PEPD: variants seen among roughly 807,000 people sequenced by gnomAD.
PEPD encodes the protein peptidase D, also known as xaa-Pro dipeptidase.
PEPD carries 53 observed loss-of-function variants against 60.7 expected under a neutral mutation model. The observed-to-expected ratio is 0.87, with a 90% CI of 0.70 to 1.10. The LOEUF is 1.10. PEPD is among the 50% of genes least tolerant of loss of function. The probability of loss-of-function intolerance (pLI) is 0.00; values close to 1 mark genes in which losing one functional copy is unlikely to be tolerated. For missense variants in PEPD, 711 were observed against 711.9 expected (o/e 1.00, Z 0.01); for synonymous variants, 267 against 284.1 (o/e 0.94, Z 0.60).
At chr19:33,457,965 C>T (rs779488642) in intron 9 of PEPD, among the ~76,000 whole-genome samples, 7 of 152,228 alleles carry the variant, frequency 4.6e-5, no homozygotes, top group Admixed American at 2.6e-4. Context: ...CCAGCACCCT[C>T]GGCTCGGGTG....
At chr19:33,495,601 A>T (rs1482884630) in intron 4 of PEPD, among the ~76,000 whole-genome samples, 1 of 152,096 alleles carries the variant, frequency 6.6e-6, no homozygotes, top group African/African-American at 2.4e-5. Context: ...TCCTCCAGAC[A>T]TGTATCAACA....
At chr19:33,494,754 C>G (rs995825676) in intron 4 of PEPD, among the ~76,000 whole-genome samples, 3 of 152,204 alleles carry the variant, frequency 2.0e-5, no homozygotes, top group African/African-American at 7.2e-5. Context: ...ATGAGAATGG[C>G]TTACAGATTA....
intron 4 of PEPD, among the ~76,000 whole-genome samples, chr19:33,499,153 C>A (rs1171772219): frequency 2.6e-5 from 4 of 152,126 alleles, no homozygotes; most frequent in Non-Finnish European, 5.9e-5. Context: ...TATTTTAGAT[C>A]CTGTACTCAA....
At chr19:33,491,731 A>T (rs910763323) in intron 5 of PEPD, among the ~76,000 whole-genome samples, 1 of 152,204 alleles carries the variant, frequency 6.6e-6, no homozygotes, top group Admixed American at 6.5e-5. Flanking sequence ...GAGGGGGAGA[A>T]AGGAAGGAGG....
rs572216351 is a variant in PEPD, at chr19:33,401,261, C to T, written c.967+460G>A. On this transcript the variant is annotated intron_variant, in intron 12 of 14. Coordinates refer to ENST00000244137, the MANE Select transcript of PEPD (RefSeq NM_000285.4). ...ACAGCTTAACTCAGTCTCCATGAGT[C>T]GGCTGCTTCCCCATTTACAGATGTG... 5.3e-5 allele frequency among the ~76,000 whole-genome samples: 8 copies of T among 152,352 alleles called. No individual in the cohort carries two copies. The East Asian group carries it at 7.7e-4, about 15-fold the overall frequency.
intron 9 of PEPD, among the ~76,000 whole-genome samples, chr19:33,429,828 T>A (rs1024467766): frequency 1.3e-5 from 2 of 152,168 alleles, no homozygotes; most frequent in Non-Finnish European, 2.9e-5. Context: ...GGCAAAGGAC[T>A]GAAAACCCAC....
rs960319288 is a variant in PEPD at position 33,391,496 on chromosome 19, G to C, written c.968-17C>G. 4.5e-6 allele frequency: 7 copies of C among 1,547,150 alleles called. No homozygotes were observed. The East Asian group carries it at 1.7e-4, about 38-fold the overall frequency. ...ACCAGACACCTGTGGGCCAGAGGGAGCTGCCGTGAGCCACAGAGCCCAGCA... is the reference window on the plus strand; with the variant it reads ...ACCAGACACCTGTGGGCCAGAGGGACCTGCCGTGAGCCACAGAGCCCAGCA... On this transcript the variant is annotated splice_polypyrimidine_tract_variant and intron_variant, in intron 12 of 14. Transcript: ENST00000244137.
chr19:33,444,405 C>A (rs1384366634), intron 9 of PEPD, among the ~76,000 whole-genome samples: 1 of 152,042 alleles, frequency 6.6e-6, no homozygotes, highest in African/African-American at 2.4e-5. Flanking sequence ...ATGGAAAAGG[C>A]AGCGACTGAT....
intron 13 of PEPD, among the ~76,000 whole-genome samples, 156 bp downstream of exon 13, chr19:33,391,139 C>G (rs1968207894): frequency 6.6e-6 from 1 of 152,132 alleles, no homozygotes; most frequent in African/African-American, 2.4e-5. Flanking sequence ...CCGATTCCCC[C>G]CTCCTCATGG....
At chr19:33,449,886 G>T (rs1199819989) in intron 9 of PEPD, among the ~76,000 whole-genome samples, 1 of 152,186 alleles carries the variant, frequency 6.6e-6, no homozygotes, top group Admixed American at 6.5e-5. Flanking sequence ...TATATCACAG[G>T]TCTCAGGTAG....
chr19:33,393,233 GGGT>G (rs1418572064), intron 12 of PEPD, among the ~76,000 whole-genome samples: 7 of 34,992 alleles, frequency 2.0e-4, no homozygotes, highest in African/African-American at 9.8e-4. Flanking sequence ...GGCCGTCCCG[GGGT>G]CTGGGGTCTG....
chr19:33,449,648 T>C (rs1244133729), intron 9 of PEPD, among the ~76,000 whole-genome samples: 1 of 151,536 alleles, frequency 6.6e-6, no homozygotes, highest in Non-Finnish European at 1.5e-5. Flanking sequence ...ACCTAGTACG[T>C]GAGGAGGAGG....
intron 9 of PEPD, among the ~76,000 whole-genome samples, chr19:33,459,345 C>T (rs904691789): frequency 2.6e-5 from 4 of 152,318 alleles, no homozygotes; most frequent in South Asian, 2.1e-4. Context: ...TTATTAATCT[C>T]CTTGTGGCAA....
At chr19:33,417,358 T>C (rs1040783338) in intron 9 of PEPD, among the ~76,000 whole-genome samples, 2 of 152,084 alleles carry the variant, frequency 1.3e-5, no homozygotes, top group African/African-American at 4.8e-5. Flanking sequence ...GGCAGAGGGC[T>C]TAGGAAAGCA....
chr19:33,387,226 G>T lies in PEPD; in HGVS notation c.*118C>A. ...CTGTTTGGTCTGATCAAATGCCGAAGCTGGGATCTGATTCTGGGTGCCGTC... is the reference window on the plus strand; with the variant it reads ...CTGTTTGGTCTGATCAAATGCCGAATCTGGGATCTGATTCTGGGTGCCGTC... On this transcript the variant is annotated 3_prime_UTR_variant, in exon 15 of 15. Coordinates refer to ENST00000244137, the MANE Select transcript of PEPD (RefSeq NM_000285.4). The T allele has an allele frequency of 8.1e-7, 1 of 1,232,286 alleles. No homozygotes were observed. Among genetic ancestry groups the T allele is most frequent in the Non-Finnish European group, 1.2e-6 (1 of 854,574 alleles). 76.3% of individuals were successfully genotyped at this position (1,232,286 alleles called of 1,614,324 possible).
chr19:33,438,113 G>A (rs1383607126), intron 9 of PEPD, among the ~76,000 whole-genome samples: 1 of 152,204 alleles, frequency 6.6e-6, no homozygotes, highest in African/African-American at 2.4e-5. Flanking sequence ...TCCCTGCCCA[G>A]ACACAGGCTG....
chr19:33,392,769 G>A (rs1267898047), intron 12 of PEPD, among the ~76,000 whole-genome samples: 1 of 152,216 alleles, frequency 6.6e-6, no homozygotes. Flanking sequence ...CGAGGGCTGG[G>A]CTGTGAGAAG....
intron 1 of PEPD, among the ~76,000 whole-genome samples, chr19:33,513,615 C>T (rs1970968608): frequency 6.6e-6 from 1 of 152,220 alleles, no homozygotes; most frequent in Non-Finnish European, 1.5e-5. Context: ...GCCTGGTCTG[C>T]ACCTTCTGCC....
chr19:33,489,271 A>G (rs1487995968), intron 6 of PEPD, among the ~76,000 whole-genome samples: 2 of 152,162 alleles, frequency 1.3e-5, no homozygotes, highest in Admixed American at 6.5e-5. Flanking sequence ...TGGGATTAGG[A>G]CAGCAGGGGA....
Sources: gnomAD v4.1 joint callset for allele counts (sites outside exome capture counted in the v4.1 genomes callset) on GRCh38, gnomAD v4.1.1 for gene constraint, MANE v1.5 for transcripts, NCBI Gene and HGNC (gene_info 2026-07-23, HGNC 2026-07-21) for gene names.